The following NARS2 variants were observed in gnomAD, a reference collection of about 807,000 sequenced individuals.
The protein encoded by NARS2 is asparaginyl-tRNA synthetase.
In NARS2, 60 loss-of-function variants were observed where a neutral mutation model predicts 62.9. The ratio of observed to expected loss-of-function variants is 0.95; its 90% CI spans 0.77 to 1.18. NARS2 has a LOEUF of 1.18. NARS2 is among the 50% of genes most tolerant of loss of function. NARS2 has a pLI of 0.00. For missense variants in NARS2, 619 were observed against 576.4 expected (o/e 1.07, Z -0.76); for synonymous variants, 196 against 200.0 (o/e 0.98, Z 0.17).
At chr11:78,521,137 AT>A (rs1167849961) in intron 6 of NARS2, among the ~76,000 whole-genome samples, 1 of 150,466 alleles carries the variant, frequency 6.6e-6, no homozygotes, top group African/African-American at 2.4e-5. Flanking sequence ...TCAACATTAT[AT>A]CAATTTGTTT....
intron 6 of NARS2, among the ~76,000 whole-genome samples, chr11:78,503,426 C>T (rs1860361524): frequency 2.0e-5 from 3 of 152,132 alleles, no homozygotes; most frequent in South Asian, 4.1e-4. Flanking sequence ...TTAGTAGAGG[C>T]GGGGCTTCTC....
In NARS2 at chr11:78,559,528, G is replaced by A; in HGVS notation, c.594+11C>T. ...AGCAATGTACCCCTCAAGATGGGAAGCAAAACTTACTTCAAGTTGAAAAAG... is the reference window on the plus strand; with the variant it reads ...AGCAATGTACCCCTCAAGATGGGAAACAAAACTTACTTCAAGTTGAAAAAG... On this transcript the variant is annotated intron_variant, in intron 5 of 13. Coordinates refer to ENST00000281038, the MANE Select transcript of NARS2 (RefSeq NM_024678.6). The A allele has an allele frequency of 6.3e-7, 1 of 1,581,544 alleles. No individual in the cohort carries two copies. The highest frequency in any genetic ancestry group is 8.7e-7 in the Non-Finnish European group (1 of 1,151,234).
At chr11:78,487,247 T>C (rs890441236) in intron 7 of NARS2, among the ~76,000 whole-genome samples, 1 of 150,964 alleles carries the variant, frequency 6.6e-6, no homozygotes, top group African/African-American at 2.4e-5. Context: ...TCCCAGCTAC[T>C]CAGGAGGCTG....
chr11:78,472,853 T>C (rs1388097588), intron 9 of NARS2, among the ~76,000 whole-genome samples: 1 of 152,258 alleles, frequency 6.6e-6, no homozygotes, highest in Non-Finnish European at 1.5e-5. Context: ...AGAAAGGTGA[T>C]GCCAAAGTGG....
chr11:78,470,752 C>G (rs1858835031), intron 9 of NARS2, among the ~76,000 whole-genome samples: 1 of 151,988 alleles, frequency 6.6e-6, no homozygotes, highest in South Asian at 2.1e-4. Context: ...TGAAAATTTG[C>G]AATTTTTATA....
chr11:78,466,087 C>A, intron 10 of NARS2, 74 bp from the exon 11 acceptor site: 1 of 1,462,982 alleles, frequency 6.8e-7, no homozygotes, highest in East Asian at 2.3e-5. Flanking sequence ...TGAAAATAAC[C>A]TGCATCAATT....
chr11:78,501,101 T>TAC (rs1246402045), intron 6 of NARS2, among the ~76,000 whole-genome samples: 2 of 152,054 alleles, frequency 1.3e-5, no homozygotes, highest in African/African-American at 2.4e-5. Flanking sequence ...CAAACACACA[T>TAC]ACACACACAC....
intron 7 of NARS2, among the ~76,000 whole-genome samples, chr11:78,481,185 G>T (rs1180323191): frequency 6.6e-6 from 1 of 152,034 alleles, no homozygotes; most frequent in African/African-American, 2.4e-5. Context: ...AGAATGTATA[G>T]ATTCTAAACT....
chr11:78,488,978 T>G (rs1385930216), intron 7 of NARS2, among the ~76,000 whole-genome samples: 1 of 152,058 alleles, frequency 6.6e-6, no homozygotes, highest in Non-Finnish European at 1.5e-5. Context: ...TACACAAAAA[T>G]TAACTCAAAA....
chr11:78,450,751 T>C (rs1248432335), intron 11 of NARS2, among the ~76,000 whole-genome samples: 2 of 146,226 alleles, frequency 1.4e-5, no homozygotes, highest in East Asian at 2.2e-4. Flanking sequence ...CTCAGCTCAC[T>C]GCAACCTCCG....
At chr11:78,492,110 C>T (rs201041364) in intron 7 of NARS2, among the ~76,000 whole-genome samples, 2 of 105,178 alleles carry the variant, frequency 1.9e-5, no homozygotes, top group African/African-American at 1.2e-4. Context: ...TATATATATA[C>T]AGACACACAC....
chr11:78,566,173 T>A lies in NARS2; in HGVS notation c.472A>T (p.Ile158Phe), dbSNP rs1224256462. 17 of 1,612,102 alleles carry A rather than the reference T, an allele frequency of 1.1e-5. No individual in the cohort carries two copies. The highest frequency in any genetic ancestry group is 4.2e-6 in the Non-Finnish European group (5 of 1,178,970). The change falls in exon 4 of 14, where the codon ATT (isoleucine) becomes TTT (phenylalanine). Residue 158 changes from isoleucine to phenylalanine, a missense_variant. By Grantham distance (21) the Ile-to-Phe change is conservative. Coordinates refer to ENST00000281038, the MANE Select transcript of NARS2 (RefSeq NM_024678.6). Reference sequence around the variant, plus strand: ...ATAGCAGCTGTCGCTTCACTGCGAATCCTCAATATAGAACCCAGAACGTTA... The same window carrying A: ...ATAGCAGCTGTCGCTTCACTGCGAAACCTCAATATAGAACCCAGAACGTTA... ...RTNVLGSILR[I>F]RSEATAAIHS...
intron 6 of NARS2, among the ~76,000 whole-genome samples, chr11:78,503,603 GTAGTATT>G (rs1860369687): frequency 6.6e-6 from 1 of 152,112 alleles, no homozygotes; most frequent in Admixed American, 6.5e-5. Flanking sequence ...GATACGAAAG[GTAGTATT>G]TCATAAAAAG....
Position 78,436,346 on chromosome 11 carries a change from C to T in NARS2, c.*324G>A, listed in dbSNP as rs1215046432. ...GGAGTGATTTAATGATTATAGACAA[C>T]GTAAAATACATTATCTCATTCTGTT... On this transcript the variant is annotated 3_prime_UTR_variant, in exon 14 of 14. Transcript: ENST00000281038. 1.9e-5 allele frequency: 4 copies of T among 214,080 alleles called. No individual in the cohort carries two copies. Among genetic ancestry groups the T allele is most frequent in the South Asian group, 1.8e-4 (2 of 11,126 alleles). 13.3% of individuals were successfully genotyped at this position (214,080 alleles called of 1,614,324 possible). A position where few individuals can be genotyped will look rare whatever the true frequency, so the allele number is the denominator to read the frequency against.
At chr11:78,509,214 T>TAA (rs1250162021) in intron 6 of NARS2, among the ~76,000 whole-genome samples, 1 of 150,948 alleles carries the variant, frequency 6.6e-6, no homozygotes, top group African/African-American at 2.4e-5. Flanking sequence ...GAAATGTCAA[T>TAA]AAAAAATCTT....
At chr11:78,551,576 C>G (rs568343501) in intron 5 of NARS2, among the ~76,000 whole-genome samples, 5 of 152,176 alleles carry the variant, frequency 3.3e-5, no homozygotes, top group South Asian at 4.1e-4. Context: ...CCAGGCTGGG[C>G]GCGGTGGCTC....
At chr11:78,497,582 G>A (rs1338624781) in intron 6 of NARS2, among the ~76,000 whole-genome samples, 1 of 152,130 alleles carries the variant, frequency 6.6e-6, no homozygotes, top group Non-Finnish European at 1.5e-5. Flanking sequence ...TATTAAACTG[G>A]ATTTTAAAAG....
intron 12 of NARS2, 37 bp from the exon 13 acceptor site, chr11:78,441,154 CA>C: frequency 6.3e-7 from 1 of 1,590,172 alleles, no homozygotes; most frequent in Non-Finnish European, 8.6e-7. Context: ...CAGGGAACGG[CA>C]ATAAGATAAA....
chr11:78,533,342 G>C (rs1344148525), intron 5 of NARS2: 3 of 152,110 alleles, frequency 2.0e-5, no homozygotes, highest in Admixed American at 6.5e-5. Flanking sequence ...TCCATTATTT[G>C]TGTATATTTG....
Sources: gnomAD v4.1 joint callset for allele counts (sites outside exome capture counted in the v4.1 genomes callset) on GRCh38, gnomAD v4.1.1 for gene constraint, MANE v1.5 for transcripts, NCBI Gene and HGNC (gene_info 2026-07-23, HGNC 2026-07-21) for gene names.